SV2C: variants seen among roughly 807,000 people sequenced by gnomAD.
The protein encoded by SV2C is solute carrier family 22 member B3.
In SV2C, 49 loss-of-function variants were observed where a neutral mutation model predicts 79.7. The observed-to-expected ratio is 0.61, with a 90% CI of 0.49 to 0.78. The LOEUF is 0.78. SV2C is among the 30% of genes least tolerant of loss of function. The pLI, the probability that SV2C is intolerant of heterozygous loss-of-function variation, is 0.00. For missense variants in SV2C, 833 were observed against 912.9 expected (o/e 0.91, Z 1.13); for synonymous variants, 334 against 333.2 (o/e 1.00, Z -0.03).
chr5:76,013,748 A>G, the SV2C span, among the ~76,000 whole-genome samples: 104 of 152,186 alleles, frequency 6.8e-4, no homozygotes, highest in Non-Finnish European at 1.4e-3. Context: ...AGAAGATATA[A>G]TAATGTCATC....
chr5:76,096,149 A>G (rs1428911050), intron 1 of SV2C, among the ~76,000 whole-genome samples: 1 of 152,184 alleles, frequency 6.6e-6, no homozygotes, highest in Non-Finnish European at 1.5e-5. Flanking sequence ...TCTAATACCC[A>G]GCACCTCATA....
the SV2C span, among the ~76,000 whole-genome samples, chr5:76,073,580 G>C: frequency 7.4e-6 from 1 of 134,480 alleles, no homozygotes; most frequent in Non-Finnish European, 1.6e-5. Flanking sequence ...AAAAAGGAAT[G>C]AAATAATGTC....
upstream of SV2C, chr5:76,081,798 T>C (rs1197288535): frequency 2.0e-5 from 3 of 152,220 alleles, no homozygotes; most frequent in Non-Finnish European, 4.4e-5. Flanking sequence ...CTCTTCACAG[T>C]ATCCTGCATA....
chr5:76,033,758 C>A, the SV2C span, among the ~76,000 whole-genome samples: 4,177 of 152,038 alleles, frequency 0.027, 187 homozygotes, highest in African/African-American at 0.096. Context: ...TATGAACTTT[C>A]AAGTAGTTTT....
At chr5:76,284,433 C>T (rs1287613475) in intron 4 of SV2C, among the ~76,000 whole-genome samples, 4 of 152,084 alleles carry the variant, frequency 2.6e-5, no homozygotes, top group Non-Finnish European at 5.9e-5. Context: ...GCTAGTGACA[C>T]CCTCAAAAGG....
chr5:75,885,674 C>A, the SV2C span, among the ~76,000 whole-genome samples: 1 of 152,098 alleles, frequency 6.6e-6, no homozygotes, highest in Non-Finnish European at 1.5e-5. Flanking sequence ...CTCATACTCC[C>A]AAGTAGCTGG....
rs115787853 is a variant in SV2C, at chr5:76,154,245, G to C, written c.580+21915G>C. 1.6e-3 allele frequency among the ~76,000 whole-genome samples: 242 copies of C among 152,230 alleles called. 1 individual carries two copies. The highest frequency in any genetic ancestry group is 4.2e-3 in the Admixed American group (65 of 15,296). ...TCTTCCACAGCTGTCAGTGCTAATG[G>C]TGTCCTCCAGGATCACTCAGCTTTA... On this transcript the variant is annotated intron_variant, in intron 2 of 12. Transcript: ENST00000502798.
intron 1 of SV2C, among the ~76,000 whole-genome samples, chr5:76,119,757 G>A (rs977554909): frequency 2.0e-5 from 3 of 152,088 alleles, no homozygotes; most frequent in African/African-American, 4.8e-5. Flanking sequence ...CAGCCTTATG[G>A]GGAAGCTCCA....
chr5:75,946,468 T>G, the SV2C span, among the ~76,000 whole-genome samples: 20 of 152,130 alleles, frequency 1.3e-4, no homozygotes, highest in African/African-American at 4.6e-4. Context: ...GTTTTTATTA[T>G]TGTAGCTTTC....
intron 4 of SV2C, among the ~76,000 whole-genome samples, chr5:76,231,454 T>C (rs894202490): frequency 4.6e-5 from 7 of 151,980 alleles, no homozygotes; most frequent in African/African-American, 1.7e-4. Flanking sequence ...TTTTTTATTA[T>C]ACTTTAAGTT....
chr5:76,310,775 T>C (rs1748410724), intron 12 of SV2C, among the ~76,000 whole-genome samples: 1 of 151,608 alleles, frequency 6.6e-6, no homozygotes, highest in Non-Finnish European at 1.5e-5. Flanking sequence ...AGAGTTGGAG[T>C]CTGGGGGTAA....
intron 1 of SV2C, among the ~76,000 whole-genome samples, chr5:76,120,998 T>C (rs2112161030): frequency 1.3e-5 from 2 of 150,734 alleles, no homozygotes; most frequent in African/African-American, 5.0e-5. Flanking sequence ...TGTAAAAGTG[T>C]TCCTATTTCT....
At chr5:75,853,853 T>A in the SV2C span, among the ~76,000 whole-genome samples, 2,138 of 151,712 alleles carry the variant, frequency 0.014, 45 homozygotes, top group African/African-American at 0.046. Context: ...AATTTTTTTT[T>A]AAACTCTACT....
the SV2C span, among the ~76,000 whole-genome samples, chr5:75,879,344 C>A: frequency 6.6e-6 from 1 of 152,140 alleles, no homozygotes; most frequent in Admixed American, 6.5e-5. Flanking sequence ...CATCTCCTTC[C>A]ACCTATGAAC....
At chr5:76,352,339 C>G (rs1174199243) in intron 12 of SV2C, among the ~76,000 whole-genome samples, 1 of 152,172 alleles carries the variant, frequency 6.6e-6, no homozygotes, top group African/African-American at 2.4e-5. Flanking sequence ...GACTGTGCCC[C>G]CAAAGTTCAC....
the SV2C span, among the ~76,000 whole-genome samples, chr5:76,034,801 T>C: frequency 6.6e-6 from 1 of 152,168 alleles, no homozygotes; most frequent in Admixed American, 6.5e-5. Context: ...TTTCTATTGA[T>C]TGGAATAGTT....
chr5:75,857,948 T>C, the SV2C span, among the ~76,000 whole-genome samples: 4 of 152,232 alleles, frequency 2.6e-5, no homozygotes, highest in African/African-American at 9.6e-5. Flanking sequence ...TTTTTGTATG[T>C]TGATTTTGTA....
chr5:76,110,445 A>C (rs1056828798), intron 1 of SV2C, among the ~76,000 whole-genome samples: 2 of 152,146 alleles, frequency 1.3e-5, no homozygotes, highest in African/African-American at 4.8e-5. Flanking sequence ...TTTTCATATG[A>C]AGTTAGTAGG....
chr5:75,869,613 C>T, the SV2C span, among the ~76,000 whole-genome samples: 1 of 152,170 alleles, frequency 6.6e-6, no homozygotes, highest in Non-Finnish European at 1.5e-5. Flanking sequence ...AAAGGCCTGG[C>T]TGGCTTTGTC....
Sources: allele counts gnomAD v4.1 joint callset (sites outside exome capture counted in the v4.1 genomes callset), GRCh38; gene constraint gnomAD v4.1.1; transcripts MANE v1.5; gene names NCBI Gene and HGNC (gene_info 2026-07-23, HGNC 2026-07-21).